Variants in SLC1A1 observed in about 807,000 individuals in gnomAD.
SLC1A1 encodes excitatory amino acid transporter 3.
SLC1A1 carries 43 observed loss-of-function variants against 53.3 expected under a neutral mutation model. The ratio of observed to expected loss-of-function variants is 0.81; its 90% CI spans 0.63 to 1.04. SLC1A1 has a LOEUF of 1.04. SLC1A1 is among the 50% of genes least tolerant of loss of function. The pLI is 0.00. For synonymous variants in SLC1A1, 307 were observed against 243.2 expected, an observed-to-expected ratio of 1.26 and a Z score of -2.44; for missense variants, 748 against 664.9, an observed-to-expected ratio of 1.12 and a Z score of -1.37.
At position 4,575,273 on chromosome 9, in the gene SLC1A1, A is replaced by G. The variant is rs116401031; in HGVS notation, c.876-728A>G. Among the ~76,000 whole-genome samples the G allele has an allele frequency of 4.3e-3, 648 of 152,290 alleles. 6 individuals carry two copies. The highest frequency in any genetic ancestry group is 0.015 in the African/African-American group (615 of 41,566). On this transcript the variant is annotated intron_variant, in intron 8 of 11. Transcript: ENST00000262352. ...AAACTCTAAGCTGCCAGTTACATAT[A>G]TATCTATCTGTGAAATGAGTCTCAT...
intron 2 of SLC1A1, among the ~76,000 whole-genome samples, chr9:4,555,212 G>C (rs751154237): frequency 2.3e-4 from 35 of 152,236 alleles, no homozygotes; most frequent in Non-Finnish European, 4.4e-4. Context: ...CACATGGCGA[G>C]TTTTAACTCC....
chr9:4,519,184 C>G (rs1815976859), intron 1 of SLC1A1, among the ~76,000 whole-genome samples: 1 of 152,198 alleles, frequency 6.6e-6, no homozygotes, highest in African/African-American at 2.4e-5. Context: ...GGGAGTGTGT[C>G]TTTAGGCCTC....
At chr9:4,536,665 C>T (rs894868352) in intron 1 of SLC1A1, among the ~76,000 whole-genome samples, 1 of 152,186 alleles carries the variant, frequency 6.6e-6, no homozygotes. Flanking sequence ...ACTAGAAATA[C>T]CATTTGACCT....
chr9:4,498,807 A>AAT (rs202051563), intron 1 of SLC1A1, among the ~76,000 whole-genome samples: 3,552 of 149,672 alleles, frequency 0.024, 73 homozygotes, highest in South Asian at 0.058. Flanking sequence ...TCTGCAAAAA[A>AAT]ATATATATAT....
At chr9:4,510,413 A>G (rs1271238145) in intron 1 of SLC1A1, among the ~76,000 whole-genome samples, 1 of 152,210 alleles carries the variant, frequency 6.6e-6, no homozygotes, top group Non-Finnish European at 1.5e-5. Flanking sequence ...GACTCTTCTA[A>G]TTGTAAGCAA....
intron 2 of SLC1A1, among the ~76,000 whole-genome samples, chr9:4,554,591 G>A (rs1468731458): frequency 1.3e-5 from 2 of 152,198 alleles, no homozygotes; most frequent in African/African-American, 4.8e-5. Flanking sequence ...CAAAGGCCTT[G>A]GGGTGGGAAG....
chr9:4,499,931 C>T (rs1820574996), intron 1 of SLC1A1, among the ~76,000 whole-genome samples: 2 of 152,072 alleles, frequency 1.3e-5, no homozygotes, highest in Admixed American at 1.3e-4. Context: ...GTGGGTAAAG[C>T]CTGGGTTATG....
Position 4,507,241 on chromosome 9 carries a change from GA to G in SLC1A1, c.91+16482del, listed in dbSNP as rs113683841. 2.5e-3 allele frequency among the ~76,000 whole-genome samples: 356 copies of G among 143,636 alleles called. 2 individuals are homozygous for G. Among genetic ancestry groups the G allele is most frequent in the African/African-American group, 8.0e-3 (313 of 39,110 alleles). The allele number at this position is 143,636 out of a possible 152,430, so 94.2% of individuals were successfully genotyped here. The stretch of plus-strand genomic sequence containing the variant: ...CACAGCAAGACTCTGTCTCAAAAAA[GA>G]AAAAAAAAAATAGATTCCAAGAGTA... On this transcript the variant is annotated intron_variant, in intron 1 of 11. Transcript: ENST00000262352.
intron 1 of SLC1A1, among the ~76,000 whole-genome samples, chr9:4,539,835 G>C (rs556744554): frequency 1.3e-5 from 2 of 152,204 alleles, no homozygotes; most frequent in South Asian, 4.2e-4. Context: ...CTCCCAAAGT[G>C]CTGGGATTAC....
rs548343754 is a variant in SLC1A1, at chr9:4,537,499, C to T, written c.92-7068C>T. On this transcript the variant is annotated intron_variant, in intron 1 of 11. Transcript: ENST00000262352. ...GCGTGAACCCGGGAAGCGGAGCTTG[C>T]AGTGAGCCGAGATTGCGCCACTGCA... Among the ~76,000 whole-genome samples, 25 of 101,302 alleles carry T rather than the reference C, an allele frequency of 2.5e-4. 6 individuals carry two copies. The highest frequency in any genetic ancestry group is 1.8e-3 in the South Asian group (7 of 3,918). The allele number at this position is 101,302 out of a possible 152,430, so 66.5% of individuals were successfully genotyped here.
At chr9:4,552,925 T>A (rs543741493) in intron 2 of SLC1A1, among the ~76,000 whole-genome samples, 3 of 151,946 alleles carry the variant, frequency 2.0e-5, no homozygotes, top group Admixed American at 6.6e-5. Flanking sequence ...TACGCAGATA[T>A]GAACACACTG....
chr9:4,547,349 C>A (rs1011219575), intron 2 of SLC1A1, among the ~76,000 whole-genome samples: 2 of 152,176 alleles, frequency 1.3e-5, no homozygotes, highest in African/African-American at 4.8e-5. Flanking sequence ...TTTCCTCCAC[C>A]AAACCCCCAG....
intron 1 of SLC1A1, among the ~76,000 whole-genome samples, chr9:4,496,326 G>T (rs1820419121): frequency 6.6e-6 from 1 of 152,070 alleles, no homozygotes; most frequent in African/African-American, 2.4e-5. Context: ...TTATTTGGAG[G>T]CACTTAGGTG....
chr9:4,568,190 C>T (rs755442473), intron 6 of SLC1A1, among the ~76,000 whole-genome samples: 3 of 151,954 alleles, frequency 2.0e-5, no homozygotes, highest in Non-Finnish European at 2.9e-5. Flanking sequence ...GATGCCGAGG[C>T]GGGAGGATCG....
At chr9:4,530,900 T>C (rs964572574) in intron 1 of SLC1A1, among the ~76,000 whole-genome samples, 1 of 152,226 alleles carries the variant, frequency 6.6e-6, no homozygotes, top group Non-Finnish European at 1.5e-5. Flanking sequence ...TATGCTAATA[T>C]GAACCTTTGC....
At chr9:4,567,848 G>A (rs138416539) in intron 6 of SLC1A1, 81 bp downstream of exon 6, 100 of 916,032 alleles carry the variant, frequency 1.1e-4, no homozygotes, top group African/African-American at 1.0e-3. Flanking sequence ...ATCAATCCTC[G>A]TCATTCACAG....
chr9:4,499,913 G>A (rs1310307662), intron 1 of SLC1A1, among the ~76,000 whole-genome samples: 1 of 152,226 alleles, frequency 6.6e-6, no homozygotes, highest in Non-Finnish European at 1.5e-5. Flanking sequence ...GGATGTGGTG[G>A]AGCTCAGGTG....
intron 1 of SLC1A1, among the ~76,000 whole-genome samples, chr9:4,540,236 C>G (rs536793330): frequency 2.0e-5 from 3 of 152,044 alleles, no homozygotes; most frequent in Admixed American, 2.0e-4. Context: ...GGAAGATTAT[C>G]CCGCTCCATC....
At chr9:4,529,616 T>G (rs530720264) in intron 1 of SLC1A1, among the ~76,000 whole-genome samples, 15 of 152,270 alleles carry the variant, frequency 9.9e-5, no homozygotes, top group African/African-American at 3.1e-4. Flanking sequence ...TGCAGATGAA[T>G]GAATAAGTGT....
Sources: gnomAD v4.1 joint callset for allele counts (sites outside exome capture counted in the v4.1 genomes callset) on GRCh38, gnomAD v4.1.1 for gene constraint, MANE v1.5 for transcripts, NCBI Gene and HGNC (gene_info 2026-07-23, HGNC 2026-07-21) for gene names.